ERBB4: variants seen among roughly 807,000 people sequenced by gnomAD.
ERBB4 encodes receptor tyrosine-protein kinase erbB-4.
A neutral mutation model predicts 158.0 loss-of-function variants in ERBB4; 42 were observed. The ratio of observed to expected loss-of-function variants is 0.27; its 90% CI spans 0.21 to 0.34. ERBB4 has a LOEUF of 0.34. ERBB4 is among the 10% of genes least tolerant of loss of function. The pLI is 1.00. For missense variants in ERBB4, 1,333 were observed against 1,624.1 expected, an observed-to-expected ratio of 0.82 and a Z score of 3.08; for synonymous variants, 583 against 558.7, an observed-to-expected ratio of 1.04 and a Z score of -0.61.
intron 1 of ERBB4, among the ~76,000 whole-genome samples, chr2:212,520,261 T>G (rs1692081317): frequency 6.6e-6 from 1 of 151,948 alleles, no homozygotes; most frequent in African/African-American, 2.4e-5. Flanking sequence ...ATACTCCAAT[T>G]TATTGCTTTG....
At chr2:212,094,120 A>G (rs1006765995) in intron 2 of ERBB4, among the ~76,000 whole-genome samples, 5 of 152,004 alleles carry the variant, frequency 3.3e-5, no homozygotes, top group African/African-American at 7.2e-5. Flanking sequence ...GCAGTCCCCT[A>G]TGTTGAGGTG....
At chr2:211,979,552 T>C (rs2081731654) in intron 2 of ERBB4, among the ~76,000 whole-genome samples, 1 of 152,160 alleles carries the variant, frequency 6.6e-6, no homozygotes, top group Non-Finnish European at 1.5e-5. Flanking sequence ...AGTATTTATT[T>C]TCAATAGGTA....
intron 12 of ERBB4, among the ~76,000 whole-genome samples, chr2:211,695,246 G>T (rs939069615): frequency 6.6e-6 from 1 of 152,112 alleles, no homozygotes; most frequent in Non-Finnish European, 1.5e-5. Flanking sequence ...GTCATCCAGA[G>T]AGTTCAGTTA....
At chr2:212,502,276 A>G (rs1309839588) in intron 1 of ERBB4, among the ~76,000 whole-genome samples, 3 of 152,196 alleles carry the variant, frequency 2.0e-5, no homozygotes, top group Non-Finnish European at 2.9e-5. Context: ...ATTAAGAATC[A>G]TCATAGAAAA....
At chr2:211,700,358 C>T (rs1166241634) in intron 12 of ERBB4, among the ~76,000 whole-genome samples, 3 of 152,028 alleles carry the variant, frequency 2.0e-5, no homozygotes, top group Non-Finnish European at 4.4e-5. Flanking sequence ...GAATATCATT[C>T]AATATAACAT....
intron 3 of ERBB4, among the ~76,000 whole-genome samples, chr2:211,843,345 A>G (rs969177941): frequency 6.6e-6 from 1 of 152,130 alleles, no homozygotes; most frequent in Non-Finnish European, 1.5e-5. Flanking sequence ...GATGCGTCCT[A>G]GAGCTTTGCT....
At chr2:211,535,741 G>C (rs2066632648) in intron 20 of ERBB4, 2 of 152,764 alleles carry the variant, frequency 1.3e-5, no homozygotes, top group Admixed American at 1.3e-4. Context: ...TTGGATGGGA[G>C]AAGTGTAAAA....
intron 3 of ERBB4, among the ~76,000 whole-genome samples, chr2:211,878,783 G>C (rs1373595976): frequency 6.7e-6 from 1 of 149,736 alleles, no homozygotes; most frequent in Non-Finnish European, 1.5e-5. Context: ...TCAGCCTCCC[G>C]AGTAGCTGGC....
intron 1 of ERBB4, among the ~76,000 whole-genome samples, chr2:212,317,439 C>T (rs1450264611): frequency 1.3e-5 from 2 of 151,586 alleles, no homozygotes; most frequent in African/African-American, 4.8e-5. Flanking sequence ...AGATTCCAGA[C>T]CACATGGCTA....
At chr2:211,574,960 C>G (rs534899247) in intron 19 of ERBB4, among the ~76,000 whole-genome samples, 1 of 152,156 alleles carries the variant, frequency 6.6e-6, no homozygotes, top group Non-Finnish European at 1.5e-5. Flanking sequence ...TTGATTTACA[C>G]CTGAACTCAC....
chr2:211,575,036 A>T (rs1489927826), intron 19 of ERBB4, among the ~76,000 whole-genome samples: 3 of 152,214 alleles, frequency 2.0e-5, no homozygotes, highest in Non-Finnish European at 4.4e-5. Flanking sequence ...AGCAAGACAC[A>T]TTTAAAAGGG....
At chr2:212,399,220 G>A (rs2091119977) in intron 1 of ERBB4, among the ~76,000 whole-genome samples, 2 of 151,946 alleles carry the variant, frequency 1.3e-5, no homozygotes, top group Admixed American at 1.3e-4. Context: ...TGGGATTATA[G>A]GTGCGAGCCA....
chr2:212,290,791 T>A (rs1479767441), intron 1 of ERBB4, among the ~76,000 whole-genome samples: 1 of 151,420 alleles, frequency 6.6e-6, no homozygotes, highest in African/African-American at 2.4e-5. Context: ...AAAAAACAAA[T>A]AACGAACATA....
At chr2:212,160,955 A>T (rs996207557) in intron 1 of ERBB4, among the ~76,000 whole-genome samples, 2 of 152,052 alleles carry the variant, frequency 1.3e-5, no homozygotes, top group African/African-American at 4.8e-5. Flanking sequence ...ACAAATTGCC[A>T]AAGAAGCACT....
chr2:211,530,179 A>G (rs1411784367), intron 20 of ERBB4, among the ~76,000 whole-genome samples: 1 of 152,156 alleles, frequency 6.6e-6, no homozygotes, highest in Non-Finnish European at 1.5e-5. Flanking sequence ...AAGATATAGA[A>G]ATCATTAGCA....
At chr2:212,074,334 A>G (rs2125451815) in intron 2 of ERBB4, among the ~76,000 whole-genome samples, 1 of 152,130 alleles carries the variant, frequency 6.6e-6, no homozygotes, top group Middle Eastern at 3.4e-3. Context: ...CACTAAACAT[A>G]AAATAAAGAT....
intron 1 of ERBB4, among the ~76,000 whole-genome samples, chr2:212,473,222 A>T (rs1689202962): frequency 6.6e-6 from 1 of 152,002 alleles, no homozygotes; most frequent in Admixed American, 6.6e-5. Flanking sequence ...AAATCATTTC[A>T]TCTTTCTGAC....
intron 1 of ERBB4, 35 bp downstream of exon 1, chr2:212,538,414 C>T (rs756327397): frequency 1.3e-6 from 2 of 1,594,568 alleles, no homozygotes; most frequent in South Asian, 1.1e-5. Flanking sequence ...CCGGCGGCTG[C>T]AGGTTCGGCG....
intron 20 of ERBB4, among the ~76,000 whole-genome samples, chr2:211,528,932 A>T (rs550114010): frequency 2.6e-5 from 4 of 151,974 alleles, no homozygotes; most frequent in Non-Finnish European, 5.9e-5. Context: ...TAACCTAATG[A>T]TGCATTTTAA....
Sources: gnomAD v4.1 joint callset for allele counts (sites outside exome capture counted in the v4.1 genomes callset) on GRCh38, gnomAD v4.1.1 for gene constraint, MANE v1.5 for transcripts, NCBI Gene and HGNC (gene_info 2026-07-23, HGNC 2026-07-21) for gene names.